CRIM1: variants seen among roughly 807,000 people sequenced by gnomAD.
The protein encoded by CRIM1 is cysteine-rich motor neuron 1 protein.
In CRIM1, 32 loss-of-function variants were observed where a neutral mutation model predicts 116.4. That is an observed-to-expected ratio of 0.27 (90% CI 0.21 to 0.37). The LOEUF (loss-of-function observed/expected upper bound fraction) is 0.37. Ranked by LOEUF, CRIM1 falls within the 10% of genes least tolerant of loss-of-function variation. CRIM1 has a pLI of 1.00. For synonymous variants in CRIM1, 590 were observed against 509.2 expected (o/e 1.16, Z -2.13); for missense variants, 1,331 against 1,354.8 (o/e 0.98, Z 0.28).
At chr2:36,492,119 C>G (rs889332249) in intron 7 of CRIM1, among the ~76,000 whole-genome samples, 6 of 152,068 alleles carry the variant, frequency 3.9e-5, no homozygotes, top group African/African-American at 1.4e-4. Flanking sequence ...TGTCTAACAG[C>G]CAAGATTCCT....
intron 13 of CRIM1, among the ~76,000 whole-genome samples, chr2:36,530,568 G>A (rs904982428): frequency 6.6e-6 from 1 of 152,140 alleles, no homozygotes; most frequent in African/African-American, 2.4e-5. Context: ...ATTCCTTTGT[G>A]GCTTAGAGAG....
rs539372886 is a variant in CRIM1 at position 36,423,599 on chromosome 2, T to A, written c.506-17659T>A. ...GCTAGGATCGGAAGGCTTTGTAAAC[T>A]TGATATGTTTTTGCATACTTTGGGT... is the stretch of plus-strand genomic sequence containing the variant. On this transcript the variant is annotated intron_variant, in intron 2 of 16. Coordinates refer to ENST00000280527, the MANE Select transcript of CRIM1 (RefSeq NM_016441.3). Among the ~76,000 whole-genome samples the A allele has an allele frequency of 9.2e-5, 14 of 152,340 alleles. No homozygotes were observed. In the Middle Eastern group the frequency reaches 0.014, roughly 148 times the overall value.
Position 36,442,604 on chromosome 2 carries a change from G to T in CRIM1, c.749-11G>T, listed in dbSNP as rs1320957493. 2 of 1,614,088 alleles carry T rather than the reference G, an allele frequency of 1.2e-6. No homozygotes were observed. The highest frequency in any genetic ancestry group is 1.7e-6 in the Non-Finnish European group (2 of 1,179,964). ...AACAATAAACGGTGCCTCTCTGTTT[G>T]CCCCTTTCAGTTTTCGGCGTGGACT... is the stretch of plus-strand genomic sequence containing the variant. On this transcript the variant is annotated splice_polypyrimidine_tract_variant and intron_variant, in intron 3 of 16. Coordinates refer to ENST00000280527, the MANE Select transcript of CRIM1 (RefSeq NM_016441.3).
chr2:36,528,653 A>T (rs551128793), intron 13 of CRIM1, among the ~76,000 whole-genome samples: 2 of 152,284 alleles, frequency 1.3e-5, no homozygotes, highest in African/African-American at 4.8e-5. Context: ...GTTACTGTGG[A>T]CCTACACGGA....
At chr2:36,426,161 T>G (rs1377539331) in intron 2 of CRIM1, among the ~76,000 whole-genome samples, 2 of 152,206 alleles carry the variant, frequency 1.3e-5, no homozygotes, top group Admixed American at 1.3e-4. Flanking sequence ...CATGCTGTAT[T>G]TGGCAATAGA....
intron 13 of CRIM1, among the ~76,000 whole-genome samples, chr2:36,533,717 A>G (rs929053653): frequency 8.5e-5 from 13 of 152,224 alleles, no homozygotes; most frequent in Admixed American, 2.6e-4. Flanking sequence ...AGTTACTGAA[A>G]GAGTATTTAC....
intron 4 of CRIM1, among the ~76,000 whole-genome samples, chr2:36,455,926 G>A (rs770751992): frequency 1.3e-5 from 2 of 152,028 alleles, no homozygotes; most frequent in South Asian, 2.1e-4. Flanking sequence ...GAGACAATAC[G>A]GTCTTTCACT....
intron 1 of CRIM1, among the ~76,000 whole-genome samples, chr2:36,374,581 A>G (rs540598202): frequency 6.6e-6 from 1 of 152,218 alleles, no homozygotes; most frequent in South Asian, 2.1e-4. Flanking sequence ...TGTCTTCATT[A>G]TTATGATTTG....
chr2:36,369,946 A>AT (rs1669842464), intron 1 of CRIM1, among the ~76,000 whole-genome samples: 3 of 152,234 alleles, frequency 2.0e-5, no homozygotes, highest in African/African-American at 7.2e-5. Context: ...AATACCGTGC[A>AT]TTGTATTATG....
intron 2 of CRIM1, among the ~76,000 whole-genome samples, chr2:36,415,398 G>T (rs1245206729): frequency 2.0e-5 from 3 of 152,140 alleles, no homozygotes; most frequent in Admixed American, 1.3e-4. Context: ...TTCCACCTTG[G>T]TAGCTCTTGG....
chr2:36,482,992 A>G (rs1013799668), intron 7 of CRIM1, among the ~76,000 whole-genome samples: 14 of 152,346 alleles, frequency 9.2e-5, no homozygotes, highest in Admixed American at 8.5e-4. Context: ...GTTACTTGAC[A>G]GCTAACTTGA....
chr2:36,491,179 A>G (rs1680200227), intron 7 of CRIM1, among the ~76,000 whole-genome samples: 1 of 152,188 alleles, frequency 6.6e-6, no homozygotes, highest in African/African-American at 2.4e-5. Flanking sequence ...CAGATCTTAC[A>G]TTAAGAATTT....
chr2:36,528,110 G>A (rs1044136247), intron 13 of CRIM1, among the ~76,000 whole-genome samples: 2 of 152,170 alleles, frequency 1.3e-5, no homozygotes, highest in African/African-American at 4.8e-5. Flanking sequence ...CACAATTTAA[G>A]TGTATATTGA....
At chr2:36,452,951 C>G (rs1055120024) in intron 4 of CRIM1, among the ~76,000 whole-genome samples, 8 of 152,222 alleles carry the variant, frequency 5.3e-5, no homozygotes, top group Non-Finnish European at 2.9e-5. Context: ...TCCATACCCT[C>G]TTTTGCTATG....
chr2:36,382,795 A>G (rs1467407218), intron 1 of CRIM1, among the ~76,000 whole-genome samples: 1 of 152,240 alleles, frequency 6.6e-6, no homozygotes, highest in Non-Finnish European at 1.5e-5. Flanking sequence ...GGAATGAACA[A>G]TGGAGAGAAC....
chr2:36,437,259 C>T (rs1009239483), intron 2 of CRIM1, among the ~76,000 whole-genome samples: 1 of 152,036 alleles, frequency 6.6e-6, no homozygotes, highest in Non-Finnish European at 1.5e-5. Context: ...CCTGTAGTCC[C>T]AGCTACTCCG....
rs979714519 is a variant in CRIM1, at chr2:36,544,440, C to T, written c.2688C>T (p.Asp896=). The T allele has an allele frequency of 7.0e-7, 1 of 1,426,024 alleles. No homozygotes were observed. Among genetic ancestry groups the T allele is most frequent in the African/African-American group, 1.5e-5 (1 of 68,396 alleles). 88.3% of individuals were successfully genotyped at this position (1,426,024 alleles called of 1,614,324 possible). ...AGACAAACCATCGAGGAGAGGTTGACCTGGAGGTTCCCCTGTGGCCCACGC... is the reference window on the plus strand; with the variant it reads ...AGACAAACCATCGAGGAGAGGTTGATCTGGAGGTTCCCCTGTGGCCCACGC... The part of the protein sequence containing the change: ...IEKTNHRGEV[D]LEVPLWPTPS... Residue 896 remains aspartate (D), a synonymous_variant, in exon 15 of 17, where the codon GAC becomes GAT. Transcript: ENST00000280527.
At chr2:36,466,266 A>G (rs1292590091) in intron 5 of CRIM1, among the ~76,000 whole-genome samples, 1 of 152,078 alleles carries the variant, frequency 6.6e-6, no homozygotes, top group Non-Finnish European at 1.5e-5. Context: ...AGAGATGGTA[A>G]GGTTGAACTT....
intron 13 of CRIM1, among the ~76,000 whole-genome samples, chr2:36,533,560 C>T (rs60424242): frequency 0.013 from 2,025 of 152,276 alleles, 44 homozygotes; most frequent in African/African-American, 0.045. Context: ...CACCACTACA[C>T]TCCAGCCTGG....
Sources: gnomAD v4.1 joint callset for allele counts (sites outside exome capture counted in the v4.1 genomes callset) on GRCh38, gnomAD v4.1.1 for gene constraint, MANE v1.5 for transcripts, NCBI Gene and HGNC (gene_info 2026-07-23, HGNC 2026-07-21) for gene names.